Variants in C10orf90 observed in about 807,000 individuals in gnomAD.
C10orf90 encodes (E2-independent) E3 ubiquitin-conjugating enzyme FATS.
A neutral mutation model predicts 62.5 loss-of-function variants in C10orf90; 56 were observed. The observed-to-expected ratio is 0.90, with a 90% confidence interval of 0.72 to 1.12. The LOEUF (loss-of-function observed/expected upper bound fraction) is 1.12, where lower values mean the gene tolerates loss of function less well. Among genes scored for constraint, C10orf90 ranks in the 50% most tolerant of loss-of-function variants. C10orf90 has a pLI of 0.00. For missense variants in C10orf90, 970 were observed against 880.4 expected (o/e 1.10, Z -1.29); for synonymous variants, 386 against 340.4 (o/e 1.13, Z -1.47).
At chr10:126,491,258 T>A (rs1861755370) in intron 4 of C10orf90, among the ~76,000 whole-genome samples, 1 of 152,196 alleles carries the variant, frequency 6.6e-6, no homozygotes. Context: ...TTGCTTCAAT[T>A]TATATAGATT....
intron 4 of C10orf90, among the ~76,000 whole-genome samples, chr10:126,503,432 A>G (rs1475638293): frequency 6.6e-6 from 1 of 152,192 alleles, no homozygotes; most frequent in Non-Finnish European, 1.5e-5. Flanking sequence ...TATAATTATT[A>G]TACACGCACA....
At chr10:126,591,492 A>C (rs1844978082) in intron 2 of C10orf90, among the ~76,000 whole-genome samples, 1 of 152,236 alleles carries the variant, frequency 6.6e-6, no homozygotes, top group Admixed American at 6.5e-5. Context: ...AATAAAATTC[A>C]ACATCCCTTC....
intron 2 of C10orf90, among the ~76,000 whole-genome samples, chr10:126,547,478 A>G (rs1268191019): frequency 2.0e-5 from 3 of 149,884 alleles, no homozygotes; most frequent in East Asian, 2.0e-4. Flanking sequence ...AACAAGAACC[A>G]GAAACATCTT....
intron 4 of C10orf90, among the ~76,000 whole-genome samples, chr10:126,503,441 C>T (rs183141905): frequency 3.3e-5 from 5 of 152,328 alleles, no homozygotes; most frequent in Admixed American, 3.3e-4. Flanking sequence ...TATACACGCA[C>T]ACACGCACAC....
At chr10:126,479,409 T>C (rs1216828585) in intron 4 of C10orf90, among the ~76,000 whole-genome samples, 1 of 152,190 alleles carries the variant, frequency 6.6e-6, no homozygotes, top group Non-Finnish European at 1.5e-5. Flanking sequence ...TCAGTCCAAA[T>C]GGCATGGGAT....
chr10:126,669,406 G>C (rs749860424), intron 1 of C10orf90, among the ~76,000 whole-genome samples: 2 of 152,196 alleles, frequency 1.3e-5, no homozygotes, highest in Non-Finnish European at 2.9e-5. Flanking sequence ...TTCATGGGAA[G>C]GCTTTCCTAA....
intron 2 of C10orf90, among the ~76,000 whole-genome samples, chr10:126,574,010 A>T (rs879919586): frequency 1.3e-5 from 2 of 152,200 alleles, no homozygotes; most frequent in African/African-American, 2.4e-5. Context: ...AAAATGTATT[A>T]TGTTCTTTGC....
At chr10:126,437,709 T>C (rs1564791308) in intron 7 of C10orf90, among the ~76,000 whole-genome samples, 1 of 152,208 alleles carries the variant, frequency 6.6e-6, no homozygotes, top group Non-Finnish European at 1.5e-5. Context: ...TTATGTGAAA[T>C]GCAAATTTAA....
intron 2 of C10orf90, among the ~76,000 whole-genome samples, chr10:126,535,474 G>A (rs192106960): frequency 1.3e-5 from 2 of 149,820 alleles, no homozygotes; most frequent in Admixed American, 6.7e-5. Context: ...CTGAGATCAC[G>A]CCACTGCACT....
chr10:126,534,795 A>G (rs990702994), intron 2 of C10orf90, among the ~76,000 whole-genome samples: 3 of 152,122 alleles, frequency 2.0e-5, no homozygotes, highest in Non-Finnish European at 4.4e-5. Flanking sequence ...GTGGCTTTGG[A>G]ATCTCTTGTT....
chr10:126,645,539 A>G (rs1372636624), intron 2 of C10orf90, among the ~76,000 whole-genome samples: 1 of 151,314 alleles, frequency 6.6e-6, no homozygotes, highest in Non-Finnish European at 1.5e-5. Context: ...GCAGTGAGTC[A>G]TGATAGCACC....
At chr10:126,633,903 G>A (rs762878412) in intron 2 of C10orf90, among the ~76,000 whole-genome samples, 1 of 152,124 alleles carries the variant, frequency 6.6e-6, no homozygotes, top group Non-Finnish European at 1.5e-5. Flanking sequence ...TACTCATTGG[G>A]GAAATTCTAA....
chr10:126,573,261 C>G, intron 2 of C10orf90, among the ~76,000 whole-genome samples: 1 of 152,120 alleles, frequency 6.6e-6, no homozygotes, highest in East Asian at 1.9e-4. Flanking sequence ...TAGAACAGAA[C>G]AGAACAGGAC....
chr10:126,449,550 G>GA lies in C10orf90; in HGVS notation c.2188+9489dup, dbSNP rs200879011. Among the ~76,000 whole-genome samples, 447 of 151,772 alleles carry GA rather than the reference G, an allele frequency of 2.9e-3. 1 individual carries two copies. Among genetic ancestry groups the GA allele is most frequent in the African/African-American group, 8.6e-3 (356 of 41,400 alleles). On this transcript the variant is annotated intron_variant, in intron 7 of 9. Transcript: ENST00000488181. The stretch of plus-strand genomic sequence containing the variant: ...AGTCCTAGCTATGGCAATTATTTAA[G>GA]AAAAAAAATAAAAGCATTCACGTTG...
chr10:126,486,970 C>T (rs1861468654), intron 4 of C10orf90, among the ~76,000 whole-genome samples: 1 of 151,392 alleles, frequency 6.6e-6, no homozygotes, highest in East Asian at 1.9e-4. Context: ...TAGTGAAACC[C>T]CATCTCTACT....
chr10:126,504,037 T>C lies in C10orf90; in HGVS notation c.1454A>G (p.Lys485Arg). 6.2e-7 allele frequency: 1 copy of C among 1,614,128 alleles called. No homozygotes were observed. The highest frequency in any genetic ancestry group is 8.5e-7 in the Non-Finnish European group (1 of 1,180,028). ...GGCGTGACAATGAGTTGTATGGTCC[T>C]TTTCCCCTTTTCTTACAGTGACTTG... ...ANQVTVRKGE[K>R]DHTTHCHASD... Residue 485 changes from lysine to arginine, a missense_variant, in exon 4 of 10, where the codon AAG becomes AGG. Physicochemically the swap from Lys to Arg is conservative, Grantham distance 26 (BLOSUM62 2). Coordinates refer to ENST00000488181, the MANE Select transcript of C10orf90 (RefSeq NM_001350921.2). The surrounding 1 kb of genome is among the most constrained non-coding windows in gnomAD (Gnocchi z 4.1).
rs1470291813 is a variant in C10orf90, at chr10:126,605,101, T to C, written c.313+41464A>G. On this transcript the variant is annotated intron_variant, in intron 2 of 9. Coordinates refer to ENST00000488181, the MANE Select transcript of C10orf90 (RefSeq NM_001350921.2). The stretch of plus-strand genomic sequence containing the variant: ...GTCTTCAGTCACACTAATCATTTAA[T>C]GGCCATTTTAAACTTACAACTAAGA... Among the ~76,000 whole-genome samples the C allele has an allele frequency of 2.6e-5, 4 of 152,382 alleles. No homozygotes were observed. In the East Asian group the frequency reaches 7.7e-4, roughly 29 times the overall value.
At chr10:126,442,478 C>CCTATATATATATAT (rs1554886149) in intron 7 of C10orf90, among the ~76,000 whole-genome samples, 1 of 33,810 alleles carries the variant, frequency 3.0e-5, no homozygotes, top group African/African-American at 1.6e-4. Flanking sequence ...TTCAATATTT[C>CCTATATATATATAT]ATATATATAT....
At chr10:126,464,615 C>T in intron 5 of C10orf90, 81 bp downstream of exon 5, 1 of 1,388,172 alleles carries the variant, frequency 7.2e-7, no homozygotes, top group Non-Finnish European at 9.9e-7. Flanking sequence ...TGACAGTATG[C>T]ACGAGGTCCA....
Sources: allele counts gnomAD v4.1 joint callset (sites outside exome capture counted in the v4.1 genomes callset), GRCh38; gene constraint gnomAD v4.1.1; non-coding constraint Gnocchi (gnomAD v3.1); transcripts MANE v1.5; gene names NCBI Gene and HGNC (gene_info 2026-07-23, HGNC 2026-07-21).